Variants in GALNT14 observed in about 807,000 individuals in gnomAD.
GALNT14 encodes polypeptide N-acetylgalactosaminyltransferase 14, also known as UDP-GalNAc:polypeptide N-acetylgalactosaminyltransferase 14.
A neutral mutation model predicts 77.5 loss-of-function variants in GALNT14; 60 were observed. The observed-to-expected ratio is 0.77, with a 90% CI of 0.63 to 0.96. GALNT14 has a LOEUF of 0.96. Among genes scored for constraint, GALNT14 ranks in the 40% least tolerant of loss-of-function variants. The probability of loss-of-function intolerance (pLI) is 0.00; values close to 1 mark genes in which losing one functional copy is unlikely to be tolerated. For synonymous variants in GALNT14, 280 were observed against 281.7 expected, an observed-to-expected ratio of 0.99 and a Z score of 0.06; for missense variants, 710 against 731.0, an observed-to-expected ratio of 0.97 and a Z score of 0.33.
intron 2 of GALNT14, among the ~76,000 whole-genome samples, chr2:30,988,924 C>G (rs1416175586): frequency 6.6e-6 from 1 of 152,200 alleles, no homozygotes; most frequent in East Asian, 1.9e-4. Context: ...TAAGTCCCTG[C>G]TATTCAAAGT....
chr2:31,081,493 G>T (rs1172035597), intron 1 of GALNT14, among the ~76,000 whole-genome samples: 1 of 152,198 alleles, frequency 6.6e-6, no homozygotes, highest in East Asian at 1.9e-4. Flanking sequence ...AAGTGTTTTG[G>T]GTTGGACCTG....
At chr2:30,927,845 G>A (rs1038030623) in intron 11 of GALNT14, among the ~76,000 whole-genome samples, 4 of 152,134 alleles carry the variant, frequency 2.6e-5, no homozygotes, top group Admixed American at 6.5e-5. Flanking sequence ...GACGACCACG[G>A]TGTATTATTA....
chr2:30,907,424 A>G (rs1664174149), downstream of GALNT14, among the ~76,000 whole-genome samples: 1 of 152,254 alleles, frequency 6.6e-6, no homozygotes, highest in Non-Finnish European at 1.5e-5. Context: ...AGAGAATACT[A>G]CAAAGAACTC....
At chr2:30,982,056 G>C (rs1428371988) in intron 2 of GALNT14, among the ~76,000 whole-genome samples, 1 of 152,208 alleles carries the variant, frequency 6.6e-6, no homozygotes, top group Non-Finnish European at 1.5e-5. Context: ...AAAAGGCATA[G>C]ACAGATGCAG....
chr2:31,134,645 G>A (rs889907248), intron 1 of GALNT14, among the ~76,000 whole-genome samples: 24 of 152,336 alleles, frequency 1.6e-4, no homozygotes, highest in Admixed American at 3.9e-4. Context: ...AAGGGCAGGG[G>A]TGATGTCCCT....
intron 6 of GALNT14, among the ~76,000 whole-genome samples, chr2:30,946,488 G>A (rs1461988211): frequency 6.6e-6 from 1 of 152,080 alleles, no homozygotes; most frequent in Non-Finnish European, 1.5e-5. Context: ...CTCCTGCTCT[G>A]GCCATGTGAC....
At chr2:30,977,371 G>T (rs576755699) in intron 2 of GALNT14, among the ~76,000 whole-genome samples, 1 of 152,174 alleles carries the variant, frequency 6.6e-6, no homozygotes, top group Non-Finnish European at 1.5e-5. Context: ...GGTTACAGGC[G>T]TGAGCCACCA....
chr2:31,018,218 G>A lies in GALNT14; in HGVS notation c.130-25211C>T, dbSNP rs1671500092. ...GGTACCCCTGGCCCAGGCCGAGAAA[G>A]AGCCAGCTCCGAAGGACTTGAGAGG... On this transcript the variant is annotated intron_variant, in intron 1 of 14. Coordinates refer to ENST00000349752, the MANE Select transcript of GALNT14 (RefSeq NM_024572.4). 2.0e-5 allele frequency among the ~76,000 whole-genome samples: 3 copies of A among 152,272 alleles called. No individual in the cohort carries two copies. In the South Asian group the frequency reaches 6.2e-4, roughly 31 times the overall value.
rs1444001087 is a variant in GALNT14 at position 31,097,880 on chromosome 2, G to C, written c.129+40078C>G. Reference sequence around the variant, plus strand: ...CTCAGAACCTCAGCTTCTAGTTCAAGCTCAGCACTAACTAGCTGAGTACCT... The same window carrying C: ...CTCAGAACCTCAGCTTCTAGTTCAACCTCAGCACTAACTAGCTGAGTACCT... On this transcript the variant is annotated intron_variant, in intron 1 of 14. Coordinates refer to ENST00000349752, the MANE Select transcript of GALNT14 (RefSeq NM_024572.4). 2.0e-5 allele frequency among the ~76,000 whole-genome samples: 3 copies of C among 152,260 alleles called. No homozygotes were observed. In the East Asian group the frequency reaches 5.8e-4, roughly 29 times the overall value.
At chr2:30,951,937 G>A (rs1452431419) in intron 6 of GALNT14, among the ~76,000 whole-genome samples, 1 of 152,204 alleles carries the variant, frequency 6.6e-6, no homozygotes, top group Non-Finnish European at 1.5e-5. Context: ...CAGAGGTCCT[G>A]AGGGGTGAAC....
At chr2:30,906,567 G>A (rs370915863), downstream of GALNT14, among the ~76,000 whole-genome samples, 1 of 150,182 alleles carries the variant, frequency 6.7e-6, no homozygotes, top group African/African-American at 2.5e-5. Context: ...AGCAAGTCCT[G>A]AGTGACCTAC....
At chr2:30,916,697 TGGGA>T (rs1664699503) in intron 13 of GALNT14, among the ~76,000 whole-genome samples, 1 of 152,094 alleles carries the variant, frequency 6.6e-6, no homozygotes, top group African/African-American at 2.4e-5. Context: ...CTGTGGAAGC[TGGGA>T]TGCAGACGGG....
intron 2 of GALNT14, among the ~76,000 whole-genome samples, chr2:30,968,739 G>C (rs1371321516): frequency 1.3e-5 from 2 of 152,238 alleles, no homozygotes; most frequent in African/African-American, 4.8e-5. Flanking sequence ...ACACTGTGAA[G>C]ATAATCGATG....
chr2:31,003,483 C>G (rs79196831), intron 1 of GALNT14, among the ~76,000 whole-genome samples: 1 of 152,302 alleles, frequency 6.6e-6, no homozygotes, highest in Non-Finnish European at 1.5e-5. Flanking sequence ...TCTGAGCCCC[C>G]GGAGGGTCTG....
At chr2:30,890,055 G>A in the GALNT14 span, among the ~76,000 whole-genome samples, 1 of 152,150 alleles carries the variant, frequency 6.6e-6, no homozygotes, top group African/African-American at 2.4e-5. Context: ...GTCTCCCCAT[G>A]CCACCCTGCC....
chr2:31,111,420 T>C (rs1677827990), intron 1 of GALNT14, among the ~76,000 whole-genome samples: 1 of 152,248 alleles, frequency 6.6e-6, no homozygotes, highest in South Asian at 2.1e-4. Flanking sequence ...ATCTAATTTG[T>C]TCACTGAATC....
At chr2:31,134,507 A>G (rs960466135) in intron 1 of GALNT14, among the ~76,000 whole-genome samples, 1 of 152,236 alleles carries the variant, frequency 6.6e-6, no homozygotes, top group Non-Finnish European at 1.5e-5. Flanking sequence ...TGTTGAAGAA[A>G]CAATCTCTGC....
intron 1 of GALNT14, among the ~76,000 whole-genome samples, chr2:31,016,149 A>G (rs1176138876): frequency 6.6e-6 from 1 of 152,226 alleles, no homozygotes; most frequent in Non-Finnish European, 1.5e-5. Flanking sequence ...CTGGCAGTCC[A>G]AGATCAACGT....
In GALNT14 at chr2:31,079,429, C is replaced by T. The variant is rs138962031; in HGVS notation, c.129+58529G>A. On this transcript the variant is annotated intron_variant, in intron 1 of 14. Coordinates refer to ENST00000349752, the MANE Select transcript of GALNT14 (RefSeq NM_024572.4). ...TACCTCTGAGGAAGAGCTGAGCCCT[C>T]GGACTGTCCTGAGAAACTCAGGCTG... Among the ~76,000 whole-genome samples the T allele has an allele frequency of 3.1e-3, 479 of 152,300 alleles. 4 individuals are homozygous for T. Among genetic ancestry groups the T allele is most frequent in the African/African-American group, 0.011 (457 of 41,570 alleles).
Sources: allele counts gnomAD v4.1 joint callset (sites outside exome capture counted in the v4.1 genomes callset), GRCh38; gene constraint gnomAD v4.1.1; transcripts MANE v1.5; gene names NCBI Gene and HGNC (gene_info 2026-07-23, HGNC 2026-07-21).